The following EFCAB7 variants were observed in gnomAD, a reference collection of about 807,000 sequenced individuals.
The protein encoded by EFCAB7 is EF-hand calcium-binding domain-containing protein 7.
EFCAB7 carries 66 observed loss-of-function variants against 77.1 expected under a neutral mutation model. The observed-to-expected ratio is 0.86, with a 90% confidence interval of 0.70 to 1.05. The LOEUF (loss-of-function observed/expected upper bound fraction) is 1.05. Among genes scored for constraint, EFCAB7 ranks in the 50% least tolerant of loss-of-function variants. The probability of loss-of-function intolerance (pLI) is 0.00; values close to 1 mark genes in which losing one functional copy is unlikely to be tolerated. For synonymous variants in EFCAB7, 225 were observed against 243.3 expected (o/e 0.92, Z 0.70); for missense variants, 638 against 730.5 (o/e 0.87, Z 1.46).
intron 1 of EFCAB7, among the ~76,000 whole-genome samples, chr1:63,525,127 C>T (rs17391879): frequency 0.013 from 2,013 of 152,172 alleles, 15 homozygotes; most frequent in Non-Finnish European, 0.02. Context: ...ACGTGTCAAG[C>T]AATATTGTAT....
intron 6 of EFCAB7, among the ~76,000 whole-genome samples, chr1:63,537,345 T>C (rs1454772611): frequency 6.6e-6 from 1 of 152,196 alleles, no homozygotes; most frequent in Non-Finnish European, 1.5e-5. Flanking sequence ...TCTTAGAGTA[T>C]GCCTACATTT....
chr1:63,576,399 G>A (rs1287035306), downstream of EFCAB7, among the ~76,000 whole-genome samples: 1 of 152,138 alleles, frequency 6.6e-6, no homozygotes, highest in Non-Finnish European at 1.5e-5. Flanking sequence ...AGAATCGCTT[G>A]AACCCTGGAG....
intron 11 of EFCAB7, among the ~76,000 whole-genome samples, chr1:63,567,207 C>G (rs931091783): frequency 1.5e-4 from 23 of 152,182 alleles, no homozygotes; most frequent in Non-Finnish European, 4.4e-5. Flanking sequence ...AATCCCAGCA[C>G]TTTGGGAGGC....
downstream of EFCAB7, among the ~76,000 whole-genome samples, chr1:63,575,581 G>A (rs930872949): frequency 1.3e-5 from 2 of 151,972 alleles, no homozygotes; most frequent in African/African-American, 4.8e-5. Context: ...TGCATATTCA[G>A]GCATATAACA....
rs1205941448 is a variant in EFCAB7 at position 63,562,396 on chromosome 1, GTAA to G, written c.1497+543_1497+545del. Among the ~76,000 whole-genome samples, 4 of 133,932 alleles carry G rather than the reference GTAA, an allele frequency of 3.0e-5. No homozygotes were observed. The East Asian group carries it at 8.8e-4, about 30-fold the overall frequency. The allele number at this position is 133,932 out of a possible 152,430, so 87.9% of individuals were successfully genotyped here. On this transcript the variant is annotated intron_variant, in intron 11 of 13. Transcript: ENST00000371088. ...TAGGTATAGAAGTTGAACAGGGCTC[GTAA>G]TAAACCATAGGGGTAATAAAAATTT...
chr1:63,577,978 AAG>A, the EFCAB7 span, among the ~76,000 whole-genome samples: 1,036 of 152,314 alleles, frequency 6.8e-3, 9 homozygotes, highest in African/African-American at 0.024. Context: ...ATAATATAAA[AAG>A]AGGACACATT....
intron 6 of EFCAB7, among the ~76,000 whole-genome samples, chr1:63,535,997 GA>G (rs1646758470): frequency 6.6e-6 from 1 of 152,122 alleles, no homozygotes; most frequent in Non-Finnish European, 1.5e-5. Context: ...AGGTGTAATA[GA>G]AAAATGCCAA....
intron 11 of EFCAB7, among the ~76,000 whole-genome samples, 188 bp downstream of exon 11, chr1:63,562,045 G>C (rs1014046939): frequency 2.6e-5 from 4 of 152,030 alleles, no homozygotes; most frequent in Admixed American, 6.6e-5. Flanking sequence ...CTGAAATTTA[G>C]TTACTGCCAA....
In EFCAB7 at chr1:63,534,219, A is replaced by G. The variant is rs758033961; in HGVS notation, c.804+3A>G. ...TAATGGAGCCAAATTTAATAAAGGT[A>G]TAGTATTTTAAGTTAACAGATGACT... On this transcript the variant is annotated splice_donor_region_variant and intron_variant, in intron 6 of 13. Transcript: ENST00000371088. 7.4e-6 allele frequency: 12 copies of G among 1,610,992 alleles called. No homozygotes were observed. The East Asian group carries it at 2.5e-4, about 33-fold the overall frequency.
In EFCAB7 at chr1:63,549,728, T is replaced by C. The variant is rs114906600; in HGVS notation, c.947-1997T>C. 4.6e-3 allele frequency: 1,021 copies of C among 223,300 alleles called. 10 individuals are homozygous for C. Among genetic ancestry groups the C allele is most frequent in the African/African-American group, 0.022 (949 of 42,224 alleles). The allele number at this position is 223,300 out of a possible 1,614,324, so 13.8% of individuals were successfully genotyped here. A position where few individuals can be genotyped will look rare whatever the true frequency, so the allele number is the denominator to read the frequency against. ...GTCAAGGGATTACTTATAACTTCCA[T>C]TGTCTTTTTTTTAAGCCTATATGCA... On this transcript the variant is annotated intron_variant, in intron 7 of 13. Coordinates refer to ENST00000371088, the MANE Select transcript of EFCAB7 (RefSeq NM_032437.4).
intron 12 of EFCAB7, chr1:63,570,770 C>T (rs1455904691): frequency 7.4e-6 from 2 of 269,384 alleles, no homozygotes; most frequent in South Asian, 9.3e-5. Context: ...GTCCATAATA[C>T]CCTGGGAATG....
rs535728940 is a variant in EFCAB7, at chr1:63,523,820, A to G, written c.-2+186A>G. ...CAAAAATAGAGAGATGGTGCCCGAG[A>G]TTACCTGTGACGGTATTTCACTGTG... On this transcript the variant is annotated intron_variant, in intron 1 of 13. Coordinates refer to ENST00000371088, the MANE Select transcript of EFCAB7 (RefSeq NM_032437.4). Among the ~76,000 whole-genome samples the G allele has an allele frequency of 5.4e-4, 82 of 152,258 alleles. No individual in the cohort carries two copies. The South Asian group carries it at 7.5e-3, about 14-fold the overall frequency.
At chr1:63,525,830 A>G in intron 2 of EFCAB7, 71 bp downstream of exon 2, 5 of 1,050,824 alleles carry the variant, frequency 4.8e-6, no homozygotes, top group South Asian at 1.6e-5. Flanking sequence ...AAAGACTGAA[A>G]TTAGAATTAC....
Position 63,525,702 on chromosome 1 carries a change from T to C in EFCAB7, c.130T>C (p.Leu44=). ...IFYMNCRAAY[L]TVFKSSLENI... ...TTATATGAATTGTAGAGCTGCCTAC[T>C]TAACTGTCTTCAAAAGCAGCTTGGA... Residue 44 remains leucine (L), a synonymous_variant, in exon 2 of 14, where the codon TTA becomes CTA. Transcript: ENST00000371088. 2 of 1,589,560 alleles carry C rather than the reference T, an allele frequency of 1.3e-6. No homozygotes were observed. Among genetic ancestry groups the C allele is most frequent in the Non-Finnish European group, 1.7e-6 (2 of 1,174,648 alleles).
chr1:63,577,044 G>T (rs1331359848), downstream of EFCAB7, among the ~76,000 whole-genome samples: 1 of 151,644 alleles, frequency 6.6e-6, no homozygotes, highest in African/African-American at 2.4e-5. Flanking sequence ...CTACTTGGGA[G>T]GCTAAGGCAG....
chr1:63,576,079 G>A (rs1647403832), downstream of EFCAB7, among the ~76,000 whole-genome samples: 1 of 152,190 alleles, frequency 6.6e-6, no homozygotes, highest in Admixed American at 6.5e-5. Context: ...GAACTGTAAT[G>A]ATTTGAGGAA....
intron 11 of EFCAB7, among the ~76,000 whole-genome samples, chr1:63,562,446 T>C (rs1286683831): frequency 1.9e-5 from 1 of 52,546 alleles, no homozygotes; most frequent in African/African-American, 7.2e-5. Context: ...CTTCTTAATT[T>C]ATTTATATAT....
the EFCAB7 span, among the ~76,000 whole-genome samples, chr1:63,579,614 A>G: frequency 6.6e-6 from 1 of 152,230 alleles, no homozygotes; most frequent in Admixed American, 6.5e-5. Context: ...CTTTTTAAGA[A>G]ACCGCCAAAG....
rs1646723848 is a variant in EFCAB7 at position 63,533,380 on chromosome 1, A to G, written c.487-74A>G. The G allele has an allele frequency of 1.0e-5, 11 of 1,066,074 alleles. No individual in the cohort carries two copies. The South Asian group carries it at 1.6e-4, about 15-fold the overall frequency. 66.0% of individuals were successfully genotyped at this position (1,066,074 alleles called of 1,614,324 possible). ...CTATCAGTCTGTTCCTTGCCTACTA[A>G]TGTGCATTTGCTTTCTCCTCTTCCC... On this transcript the variant is annotated intron_variant, in intron 4 of 13. Coordinates refer to ENST00000371088, the MANE Select transcript of EFCAB7 (RefSeq NM_032437.4).
Sources: allele counts gnomAD v4.1 joint callset (sites outside exome capture counted in the v4.1 genomes callset), GRCh38; gene constraint gnomAD v4.1.1; transcripts MANE v1.5; gene names NCBI Gene and HGNC (gene_info 2026-07-23, HGNC 2026-07-21).